SYT9: variants seen among roughly 807,000 people sequenced by gnomAD.
The protein encoded by SYT9 is synaptotagmin 9.
In SYT9, 22 loss-of-function variants were observed where a neutral mutation model predicts 48.4. That is an observed-to-expected ratio of 0.45 (90% CI 0.32 to 0.65). The LOEUF (loss-of-function observed/expected upper bound fraction) is 0.65, where lower values mean the gene tolerates loss of function less well. Ranked by LOEUF, SYT9 falls within the 30% of genes least tolerant of loss-of-function variation. The pLI is 0.03. For synonymous variants in SYT9, 265 were observed against 245.0 expected (o/e 1.08, Z -0.76); for missense variants, 577 against 622.0 (o/e 0.93, Z 0.77).
intron 6 of SYT9, chr11:7,441,756 G>A (rs1847833641): frequency 6.6e-6 from 1 of 152,142 alleles, no homozygotes; most frequent in Non-Finnish European, 1.5e-5. Context: ...CAAGTGCCCA[G>A]CAAACTGGCT....
intron 3 of SYT9, among the ~76,000 whole-genome samples, chr11:7,389,487 A>G (rs749287009): frequency 5.3e-5 from 8 of 152,252 alleles, no homozygotes; most frequent in Non-Finnish European, 1.2e-4. Context: ...ACTCCCCCAT[A>G]AAATGAGAGT....
intron 3 of SYT9, among the ~76,000 whole-genome samples, chr11:7,371,516 T>C (rs182728529): frequency 1.3e-5 from 2 of 152,286 alleles, no homozygotes; most frequent in African/African-American, 2.4e-5. Flanking sequence ...TGTCTTTATA[T>C]TGAGGTATAG....
intron 1 of SYT9, among the ~76,000 whole-genome samples, chr11:7,254,643 G>A (rs1847933460): frequency 6.6e-6 from 1 of 152,154 alleles, no homozygotes; most frequent in Non-Finnish European, 1.5e-5. Context: ...CCTAGAGAGA[G>A]TCATCTCGGT....
At chr11:7,318,999 T>G (rs1275751644) in intron 3 of SYT9, among the ~76,000 whole-genome samples, 1 of 152,202 alleles carries the variant, frequency 6.6e-6, no homozygotes, top group Admixed American at 6.5e-5. Context: ...TGGGGCATTA[T>G]TTTGGATGCC....
intron 3 of SYT9, among the ~76,000 whole-genome samples, chr11:7,342,458 A>AGG (rs1849730072): frequency 6.6e-6 from 1 of 152,194 alleles, no homozygotes; most frequent in African/African-American, 2.4e-5. Flanking sequence ...AATCCAGCAG[A>AGG]GCAGTCAAAT....
chr11:7,273,173 A>T (rs1166722088), intron 1 of SYT9, among the ~76,000 whole-genome samples: 2 of 152,110 alleles, frequency 1.3e-5, no homozygotes, highest in Admixed American at 6.5e-5. Context: ...GGTAGAGGGA[A>T]TGAGAAAGAG....
intron 6 of SYT9, 72 bp from the exon 7 acceptor site, chr11:7,466,720 C>CAGAA: frequency 7.9e-7 from 1 of 1,259,080 alleles, no homozygotes; most frequent in Non-Finnish European, 1.1e-6. Flanking sequence ...GACTCTGTCT[C>CAGAA]AAAAAAAAAA....
At chr11:7,355,681 G>T (rs1023938168) in intron 3 of SYT9, among the ~76,000 whole-genome samples, 19 of 152,334 alleles carry the variant, frequency 1.2e-4, no homozygotes, top group Admixed American at 4.6e-4. Context: ...GAAAGAGAAG[G>T]ATTGGCAGTG....
intron 3 of SYT9, among the ~76,000 whole-genome samples, chr11:7,341,670 A>G (rs1270117001): frequency 1.3e-5 from 2 of 152,160 alleles, no homozygotes; most frequent in Non-Finnish European, 2.9e-5. Flanking sequence ...AGCGGCCATG[A>G]GACTGAGTTG....
intron 3 of SYT9, among the ~76,000 whole-genome samples, chr11:7,376,906 G>A (rs1850465293): frequency 6.6e-6 from 1 of 151,592 alleles, no homozygotes; most frequent in Admixed American, 6.6e-5. Context: ...CCTCTCTGAT[G>A]ATATGTGATC....
chr11:7,322,760 A>G (rs1849359644), intron 3 of SYT9, among the ~76,000 whole-genome samples: 3 of 152,326 alleles, frequency 2.0e-5, no homozygotes, highest in Admixed American at 6.5e-5. Flanking sequence ...AGCTGAAGAA[A>G]GAGAACATTA....
chr11:7,413,141 A>C (rs1564894735), intron 3 of SYT9, among the ~76,000 whole-genome samples: 1 of 151,994 alleles, frequency 6.6e-6, no homozygotes, highest in African/African-American at 2.4e-5. Flanking sequence ...GGGCACAGAC[A>C]CTCTCATTGG....
intron 3 of SYT9, among the ~76,000 whole-genome samples, chr11:7,325,403 GCTCT>G: frequency 7.3e-6 from 1 of 136,630 alleles, no homozygotes; most frequent in Non-Finnish European, 1.5e-5. Context: ...TCATGATTTG[GCTCT>G]CTGTTTGTCT....
chr11:7,464,943 C>T lies in SYT9; in HGVS notation c.1468-1849C>T, dbSNP rs537339003. ...TAAAAATACAAAAAAAAAAAATTAG[C>T]CGGGCGTGGTGGCGGGCGCCTGTAG... On this transcript the variant is annotated intron_variant, in intron 6 of 6. Transcript: ENST00000318881. Among the ~76,000 whole-genome samples the T allele has an allele frequency of 9.2e-5, 14 of 151,946 alleles. No homozygotes were observed. In the East Asian group the frequency reaches 2.7e-3, roughly 29 times the overall value.
chr11:7,393,723 C>A (rs528145671), intron 3 of SYT9, among the ~76,000 whole-genome samples: 67 of 152,104 alleles, frequency 4.4e-4, no homozygotes, highest in Non-Finnish European at 8.4e-4. Context: ...TTGTCCAGAG[C>A]TTTTTCTCAC....
At chr11:7,438,437 T>C (rs747594759) in intron 6 of SYT9, 4 of 152,258 alleles carry the variant, frequency 2.6e-5, no homozygotes, top group African/African-American at 7.2e-5. Context: ...GAGGCAGCCA[T>C]GTGCTGCTCT....
chr11:7,388,179 A>C (rs545542028), intron 3 of SYT9, among the ~76,000 whole-genome samples: 9 of 152,188 alleles, frequency 5.9e-5, no homozygotes, highest in Non-Finnish European at 1.2e-4. Context: ...AGTTTACTTA[A>C]TGAGACATAG....
intron 1 of SYT9, among the ~76,000 whole-genome samples, chr11:7,263,549 G>A (rs1848118877): frequency 6.6e-6 from 1 of 152,188 alleles, no homozygotes; most frequent in Non-Finnish European, 1.5e-5. Context: ...TCAGAGAAAT[G>A]TGCAGGAACC....
chr11:7,432,581 AAATATATATAC>A (rs1564902054), intron 6 of SYT9, among the ~76,000 whole-genome samples: 44 of 3,068 alleles, frequency 0.014, 3 homozygotes, highest in Non-Finnish European at 0.018. Context: ...AAAAAAAAAA[AAATATATATAC>A]ATATATATAT....
Sources: gnomAD v4.1 joint callset for allele counts (sites outside exome capture counted in the v4.1 genomes callset) on GRCh38, gnomAD v4.1.1 for gene constraint, MANE v1.5 for transcripts, NCBI Gene and HGNC (gene_info 2026-07-23, HGNC 2026-07-21) for gene names.